ERC1: variants seen among roughly 807,000 people sequenced by gnomAD.
ERC1 encodes RAB6 interacting protein 2.
In ERC1, 56 loss-of-function variants were observed where a neutral mutation model predicts 132.0. The ratio of observed to expected loss-of-function variants is 0.42; its 90% CI spans 0.34 to 0.53. ERC1 has a LOEUF of 0.53. Ranked by LOEUF, ERC1 falls within the 20% of genes least tolerant of loss-of-function variation. The pLI is 0.03. For synonymous variants in ERC1, 478 were observed against 476.1 expected, an observed-to-expected ratio of 1.00 and a Z score of -0.05; for missense variants, 1,202 against 1,349.9, an observed-to-expected ratio of 0.89 and a Z score of 1.72.
intron 2 of ERC1, among the ~76,000 whole-genome samples, chr12:1,029,671 AG>A (rs1436276773): frequency 2.0e-5 from 3 of 151,810 alleles, no homozygotes; most frequent in Non-Finnish European, 4.4e-5. Flanking sequence ...TGCCACATTC[AG>A]TGAGGAAGCT....
chr12:1,372,418 A>T (rs759718151), intron 16 of ERC1, among the ~76,000 whole-genome samples: 1 of 152,182 alleles, frequency 6.6e-6, no homozygotes, highest in Non-Finnish European at 1.5e-5. Flanking sequence ...TCCAGCCTAA[A>T]TGCTCTCAAA....
chr12:1,302,710 G>A (rs545324725), intron 15 of ERC1, among the ~76,000 whole-genome samples: 1 of 152,312 alleles, frequency 6.6e-6, no homozygotes, highest in African/African-American at 2.4e-5. Flanking sequence ...GGTCACGCCT[G>A]TAATCCCAGC....
intron 8 of ERC1, among the ~76,000 whole-genome samples, chr12:1,148,175 A>G (rs1426529666): frequency 1.3e-5 from 2 of 152,200 alleles, no homozygotes; most frequent in Non-Finnish European, 2.9e-5. Flanking sequence ...CTAGGTAAAA[A>G]TTTTTAGAAA....
chr12:1,488,315 G>A (rs1007585816), intron 18 of ERC1, among the ~76,000 whole-genome samples: 2 of 152,058 alleles, frequency 1.3e-5, no homozygotes, highest in Non-Finnish European at 2.9e-5. Context: ...TGCTCTTGCT[G>A]GGTGATCTTA....
intron 2 of ERC1, among the ~76,000 whole-genome samples, chr12:1,075,039 GAAAT>G (rs1399851203): frequency 1.3e-5 from 2 of 151,860 alleles, no homozygotes; most frequent in African/African-American, 2.4e-5. Flanking sequence ...TGCTGTACAG[GAAAT>G]AAATCTCTGT....
At chr12:1,284,081 G>A (rs2078875325) in intron 14 of ERC1, among the ~76,000 whole-genome samples, 1 of 152,010 alleles carries the variant, frequency 6.6e-6, no homozygotes, top group East Asian at 1.9e-4. Flanking sequence ...CCCAGCCTCT[G>A]GTAACCACCA....
intron 8 of ERC1, among the ~76,000 whole-genome samples, chr12:1,150,430 A>G (rs1482822553): frequency 1.3e-5 from 2 of 152,256 alleles, no homozygotes; most frequent in African/African-American, 4.8e-5. Flanking sequence ...AAACCATTAC[A>G]TATAAATTGA....
intron 14 of ERC1, among the ~76,000 whole-genome samples, chr12:1,269,878 C>A (rs1204351454): frequency 6.6e-6 from 1 of 152,186 alleles, no homozygotes; most frequent in Non-Finnish European, 1.5e-5. Flanking sequence ...CTCTTACTAT[C>A]CTCTATTCCT....
At chr12:1,402,913 C>CA (rs1566781096) in intron 16 of ERC1, among the ~76,000 whole-genome samples, 1 of 149,544 alleles carries the variant, frequency 6.7e-6, no homozygotes, top group African/African-American at 2.6e-5. Flanking sequence ...ACTGAACTCT[C>CA]AGATTTTTTT....
At chr12:1,133,187 A>G (rs1948939270) in intron 7 of ERC1, among the ~76,000 whole-genome samples, 1 of 151,048 alleles carries the variant, frequency 6.6e-6, no homozygotes. Context: ...GTTTTTAATG[A>G]GGTGCTTTGT....
chr12:1,122,223 ATCTCTATCTCTATCTGTG>A (rs1566018577), intron 7 of ERC1, among the ~76,000 whole-genome samples: 167 of 43,960 alleles, frequency 3.8e-3, no homozygotes, highest in Non-Finnish European at 5.0e-3. Context: ...CTCTATCTCT[ATCTCTATCTCTATCTGTG>A]TCTCTATCTC....
intron 15 of ERC1, among the ~76,000 whole-genome samples, chr12:1,355,397 T>C (rs915883589): frequency 3.3e-5 from 5 of 152,180 alleles, no homozygotes; most frequent in Non-Finnish European, 5.9e-5. Flanking sequence ...TGACCATGAG[T>C]GGCAGTAGCT....
Position 1,371,853 on chromosome 12 carries a change from C to T in ERC1, c.2801C>T (p.Ala934Val). 6.2e-7 allele frequency: 1 copy of T among 1,613,794 alleles called. No individual in the cohort carries two copies. The highest frequency in any genetic ancestry group is 8.5e-7 in the Non-Finnish European group (1 of 1,179,964). ...TGCAGGCAAGAAGCTCTTCTGGCTG[C>T]CATTAGTGAAAAAGACGCCAATATA... is the stretch of plus-strand genomic sequence containing the variant. ...LEMKQEALLA[A>V]ISEKDANIAL... The change falls in exon 16 of 19, where the codon GCC (alanine) becomes GTC (valine). Residue 934 changes from alanine (A) to valine (V), a missense_variant. Transcript: ENST00000360905.
chr12:1,029,176 A>G (rs1967503766), intron 2 of ERC1, among the ~76,000 whole-genome samples: 1 of 151,816 alleles, frequency 6.6e-6, no homozygotes, highest in Non-Finnish European at 1.5e-5. Context: ...ACGTGGTGAA[A>G]CCCTGACTCT....
chr12:1,306,763 CCAGA>C (rs2080914926), intron 15 of ERC1, among the ~76,000 whole-genome samples: 1 of 151,424 alleles, frequency 6.6e-6, no homozygotes, highest in Non-Finnish European at 1.5e-5. Context: ...TTAGACAGGC[CCAGA>C]CAGTTTTTTG....
chr12:1,470,277 G>T (rs1238923680), intron 18 of ERC1, among the ~76,000 whole-genome samples: 2 of 151,980 alleles, frequency 1.3e-5, no homozygotes, highest in Non-Finnish European at 2.9e-5. Context: ...CACTGTGGCT[G>T]GGGGGAAACT....
At chr12:1,326,986 T>A (rs1021223845) in intron 15 of ERC1, among the ~76,000 whole-genome samples, 7 of 152,322 alleles carry the variant, frequency 4.6e-5, no homozygotes, top group African/African-American at 1.7e-4. Context: ...TGACAAATTA[T>A]GTCTTAACAT....
At chr12:1,436,252 G>C (rs769335998) in intron 17 of ERC1, among the ~76,000 whole-genome samples, 6 of 152,114 alleles carry the variant, frequency 3.9e-5, no homozygotes, top group African/African-American at 1.4e-4. Flanking sequence ...CCAGAGACTG[G>C]CCTGTCTTTG....
intron 18 of ERC1, among the ~76,000 whole-genome samples, chr12:1,458,112 G>A (rs1592178612): frequency 1.3e-5 from 2 of 152,188 alleles, no homozygotes; most frequent in East Asian, 1.9e-4. Flanking sequence ...CATTTGGCAG[G>A]ACCATGGATT....
Sources: gnomAD v4.1 joint callset for allele counts (sites outside exome capture counted in the v4.1 genomes callset) on GRCh38, gnomAD v4.1.1 for gene constraint, MANE v1.5 for transcripts, NCBI Gene and HGNC (gene_info 2026-07-23, HGNC 2026-07-21) for gene names.